PDE11A: variants seen among roughly 807,000 people sequenced by gnomAD.
PDE11A encodes phosphodiesterase 11A, also known as dual 3',5'-cyclic-AMP and -GMP phosphodiesterase 11A.
A neutral mutation model predicts 100.5 loss-of-function variants in PDE11A; 100 were observed. That is an observed-to-expected ratio of 1.00 (90% CI 0.85 to 1.18). The LOEUF is 1.18. Ranked by LOEUF, PDE11A falls within the 50% of genes most tolerant of loss-of-function variation. The pLI is 0.00. For missense variants in PDE11A, 1,141 were observed against 1,152.6 expected (o/e 0.99, Z 0.15); for synonymous variants, 381 against 420.8 (o/e 0.91, Z 1.16).
At position 177,707,641 on chromosome 2, in the gene PDE11A, A is replaced by G. The variant is rs1190501992; in HGVS notation, c.2153+4128T>C. Among the ~76,000 whole-genome samples, 6 of 152,204 alleles carry G rather than the reference A, an allele frequency of 3.9e-5. No individual in the cohort carries two copies. In the South Asian group the frequency reaches 1.0e-3, roughly 26 times the overall value. ...CCCAAATGGCAGCCTCAGCTCCCAA[A>G]TCTGCATGAGCCTGCAGCTTGGATC... On this transcript the variant is annotated intron_variant, in intron 13 of 19. Transcript: ENST00000286063.
chr2:177,810,723 A>G (rs2082937783), intron 9 of PDE11A, among the ~76,000 whole-genome samples: 1 of 152,162 alleles, frequency 6.6e-6, no homozygotes, highest in Admixed American at 6.6e-5. Flanking sequence ...TTGTTCTTTA[A>G]TAGGTAATGG....
At chr2:177,631,389 G>A (rs989469101) in intron 19 of PDE11A, among the ~76,000 whole-genome samples, 1 of 143,680 alleles carries the variant, frequency 7.0e-6, no homozygotes, top group Non-Finnish European at 1.5e-5. Context: ...GCTGAGGCAG[G>A]AGAATCGCTT....
At chr2:178,066,619 C>T (rs893101311) in intron 1 of PDE11A, among the ~76,000 whole-genome samples, 1 of 152,086 alleles carries the variant, frequency 6.6e-6, no homozygotes, top group Non-Finnish European at 1.5e-5. Context: ...GGGAGAGGCC[C>T]ACATTCATGT....
At chr2:177,919,783 T>TA (rs1055825156) in intron 2 of PDE11A, among the ~76,000 whole-genome samples, 1 of 150,846 alleles carries the variant, frequency 6.6e-6, no homozygotes, top group South Asian at 2.1e-4. Context: ...TTTTGGAATT[T>TA]AAAAAAAAAG....
intron 16 of PDE11A, 141 bp from the exon 17 acceptor site, chr2:177,675,659 C>CTG: frequency 1.4e-6 from 1 of 724,816 alleles, no homozygotes; most frequent in South Asian, 1.5e-5. Context: ...AGGGGCAGCA[C>CTG]TGTTTATAGT....
At chr2:178,017,640 C>T (rs760922489) in intron 1 of PDE11A, among the ~76,000 whole-genome samples, 1 of 152,108 alleles carries the variant, frequency 6.6e-6, no homozygotes, top group Non-Finnish European at 1.5e-5. Context: ...GCTTCAACTA[C>T]AACAAGAAAG....
At chr2:177,902,671 T>C (rs1002414171) in intron 3 of PDE11A, among the ~76,000 whole-genome samples, 4 of 152,204 alleles carry the variant, frequency 2.6e-5, no homozygotes, top group African/African-American at 9.6e-5. Context: ...AGCCTTTATA[T>C]GCTGCTGGTT....
At chr2:177,840,112 A>T in intron 6 of PDE11A, 139 bp downstream of exon 6, 1 of 843,874 alleles carries the variant, frequency 1.2e-6, no homozygotes, top group Non-Finnish European at 1.9e-6. Flanking sequence ...CTTAGAGTCA[A>T]CAGTAGGCAA....
intron 9 of PDE11A, among the ~76,000 whole-genome samples, chr2:177,789,153 A>G (rs1013646414): frequency 3.8e-4 from 58 of 152,182 alleles, no homozygotes; most frequent in Non-Finnish European, 7.9e-4. Context: ...AGTACTGGCA[A>G]ACCGAATCCA....
chr2:178,016,878 AG>A (rs1481421667), intron 1 of PDE11A, among the ~76,000 whole-genome samples: 9 of 152,226 alleles, frequency 5.9e-5, no homozygotes, highest in African/African-American at 2.2e-4. Flanking sequence ...AATGGTGCCA[AG>A]TCTCACAGGC....
intron 5 of PDE11A, among the ~76,000 whole-genome samples, chr2:177,861,705 T>G (rs1161003125): frequency 1.3e-5 from 2 of 151,956 alleles, no homozygotes; most frequent in Admixed American, 6.6e-5. Context: ...CAAGACAATG[T>G]GATACTGGCA....
At chr2:177,649,721 G>A (rs55806282) in intron 19 of PDE11A, among the ~76,000 whole-genome samples, 10,120 of 152,190 alleles carry the variant, frequency 0.066, 936 homozygotes, top group African/African-American at 0.21. Flanking sequence ...GCAGGAATTG[G>A]TTAACAGTGG....
intron 10 of PDE11A, among the ~76,000 whole-genome samples, chr2:177,753,293 T>G (rs1237385206): frequency 6.6e-6 from 1 of 152,228 alleles, no homozygotes; most frequent in Non-Finnish European, 1.5e-5. Context: ...TATGACATGT[T>G]CTTTTCAGAG....
chr2:177,786,915 G>A (rs1426042431), intron 9 of PDE11A, among the ~76,000 whole-genome samples: 1 of 151,586 alleles, frequency 6.6e-6, no homozygotes, highest in African/African-American at 2.4e-5. Flanking sequence ...CGTCTGATCG[G>A]TGTACCTGAA....
chr2:177,922,183 T>A (rs576553800), intron 2 of PDE11A, among the ~76,000 whole-genome samples: 1 of 152,268 alleles, frequency 6.6e-6, no homozygotes, highest in South Asian at 2.1e-4. Flanking sequence ...GACCTCTGCA[T>A]GCATGACTCT....
chr2:177,989,493 C>T (rs911969491), intron 2 of PDE11A, among the ~76,000 whole-genome samples: 8 of 152,192 alleles, frequency 5.3e-5, no homozygotes, highest in Non-Finnish European at 1.0e-4. Flanking sequence ...GGGACTGATG[C>T]CATTGACACA....
intron 6 of PDE11A, among the ~76,000 whole-genome samples, chr2:177,838,619 G>A (rs80319195): frequency 0.011 from 1,745 of 152,290 alleles, 31 homozygotes; most frequent in African/African-American, 0.04. Context: ...CTAGCTAAGT[G>A]TCCCCAGTAA....
At chr2:177,755,559 G>A (rs545463749) in intron 10 of PDE11A, among the ~76,000 whole-genome samples, 58 of 152,228 alleles carry the variant, frequency 3.8e-4, no homozygotes, top group Admixed American at 3.4e-3. Flanking sequence ...CTTCTGCTGC[G>A]ACCCCATGTT....
chr2:177,851,675 C>T (rs917932912), intron 5 of PDE11A, among the ~76,000 whole-genome samples: 2 of 152,160 alleles, frequency 1.3e-5, no homozygotes, highest in Admixed American at 1.3e-4. Context: ...GTTTCATGCA[C>T]AAGCTTTGTA....
Sources: allele counts gnomAD v4.1 joint callset (sites outside exome capture counted in the v4.1 genomes callset), GRCh38; gene constraint gnomAD v4.1.1; transcripts MANE v1.5; gene names NCBI Gene and HGNC (gene_info 2026-07-23, HGNC 2026-07-21).